Variants in CLYBL observed in about 807,000 individuals in gnomAD.
CLYBL encodes the protein citramalyl-CoA lyase, mitochondrial.
In CLYBL, 31 loss-of-function variants were observed where a neutral mutation model predicts 38.9. That is an observed-to-expected ratio of 0.80 (90% confidence interval 0.60 to 1.08). The LOEUF (loss-of-function observed/expected upper bound fraction) is 1.08. CLYBL is among the 50% of genes least tolerant of loss of function. CLYBL has a pLI of 0.00. For missense variants in CLYBL, 434 were observed against 411.6 expected, an observed-to-expected ratio of 1.05 and a Z score of -0.47; for synonymous variants, 171 against 158.6, an observed-to-expected ratio of 1.08 and a Z score of -0.59.
Position 99,866,381 on chromosome 13 carries a change from G to A in CLYBL, c.776G>A (p.Arg259Gln), listed in dbSNP as rs540417575. 9.9e-6 allele frequency: 16 copies of A among 1,613,784 alleles called. No individual in the cohort carries two copies. Among genetic ancestry groups the A allele is most frequent in the African/African-American group, 5.3e-5 (4 of 75,006 alleles). ...GGAGCTGGGCTGCTTAGACAGTCAC[G>A]AGAAGGAGCCGCCATGGGCTTCACT... ...RDGAGLLRQS[R>Q]EGAAMGFTGK... is the part of the protein sequence containing the mutation. Residue 259 changes from arginine (R) to glutamine (Q), a missense_variant, in exon 6 of 9, where the codon CGA becomes CAA. Arg to Gln is a conservative substitution (Grantham distance 43). Coordinates refer to ENST00000339105, the MANE Select transcript of CLYBL (RefSeq NM_206808.5).
At position 99,838,073 on chromosome 13, in the gene CLYBL, C is replaced by G. The variant is rs182442922; in HGVS notation, c.250-20788C>G. On this transcript the variant is annotated intron_variant, in intron 2 of 8. Transcript: ENST00000339105. ...ACAGTTTAAAAATGATAGTTTTTATCTATTCTTCAAATATGCATAAGTAAT... is the reference window on the plus strand; with the variant it reads ...ACAGTTTAAAAATGATAGTTTTTATGTATTCTTCAAATATGCATAAGTAAT... 3.3e-5 allele frequency among the ~76,000 whole-genome samples: 5 copies of G among 152,152 alleles called. No homozygotes were observed. The East Asian group carries it at 9.6e-4, about 29-fold the overall frequency.
chr13:99,787,686 C>A (rs1426010477), intron 2 of CLYBL, among the ~76,000 whole-genome samples: 1 of 152,270 alleles, frequency 6.6e-6, no homozygotes, highest in East Asian at 1.9e-4. Context: ...GATGCGGATT[C>A]TTTTTTGGTT....
intron 2 of CLYBL, among the ~76,000 whole-genome samples, chr13:99,807,919 TGA>T (rs778151227): frequency 2.0e-5 from 3 of 152,146 alleles, no homozygotes; most frequent in Non-Finnish European, 4.4e-5. Context: ...CAGCAACTTG[TGA>T]GAGAAGGTTC....
chr13:99,650,385 G>A (rs535177970), intron 1 of CLYBL, among the ~76,000 whole-genome samples: 39 of 152,168 alleles, frequency 2.6e-4, no homozygotes, highest in Non-Finnish European at 5.3e-4. Context: ...TTGTCCCACC[G>A]TACTCCAGCC....
rs528165728 is a variant in CLYBL, at chr13:99,780,868, C to G, written c.249+7858C>G. ...AGCTGGGAATACAGGTGCCTGCCAC[C>G]ACACCTGGCTCATTTTTGTATTATT... On this transcript the variant is annotated intron_variant, in intron 2 of 8. Coordinates refer to ENST00000339105, the MANE Select transcript of CLYBL (RefSeq NM_206808.5). Among the ~76,000 whole-genome samples, 26 of 151,786 alleles carry G rather than the reference C, an allele frequency of 1.7e-4. 1 individual carries two copies. In the South Asian group the frequency reaches 5.4e-3, roughly 32 times the overall value.
intron 1 of CLYBL, among the ~76,000 whole-genome samples, chr13:99,717,591 C>G (rs1285880370): frequency 6.6e-6 from 1 of 152,020 alleles, no homozygotes; most frequent in Non-Finnish European, 1.5e-5. Flanking sequence ...TCCTGTGTAA[C>G]TGGGACTACA....
chr13:99,711,483 C>T (rs192643105), intron 1 of CLYBL, among the ~76,000 whole-genome samples: 22 of 148,436 alleles, frequency 1.5e-4, no homozygotes, highest in Non-Finnish European at 2.7e-4. Context: ...AATCTCGGCA[C>T]GCAACCTCCA....
chr13:99,731,352 G>T (rs186504606), intron 1 of CLYBL, among the ~76,000 whole-genome samples: 1 of 150,126 alleles, frequency 6.7e-6, no homozygotes, highest in Non-Finnish European at 1.5e-5. Flanking sequence ...AAAAAAAAGC[G>T]GCTGAGCCCA....
chr13:99,719,709 C>G (rs187547834), intron 1 of CLYBL, among the ~76,000 whole-genome samples: 1 of 149,584 alleles, frequency 6.7e-6, no homozygotes, highest in Non-Finnish European at 1.5e-5. Flanking sequence ...GGTTTCACTA[C>G]GTTGGCCAGG....
intron 2 of CLYBL, among the ~76,000 whole-genome samples, chr13:99,829,770 A>G (rs1326069641): frequency 6.6e-6 from 1 of 152,000 alleles, no homozygotes; most frequent in Non-Finnish European, 1.5e-5. Flanking sequence ...GTCCCAATCA[A>G]CTCCGAAATG....
chr13:99,746,544 A>C (rs1037387790), intron 1 of CLYBL, among the ~76,000 whole-genome samples: 1 of 152,136 alleles, frequency 6.6e-6, no homozygotes, highest in Non-Finnish European at 1.5e-5. Flanking sequence ...CTCCTTAGGA[A>C]GATCAACAGT....
At chr13:99,825,103 T>C (rs2050669784) in intron 2 of CLYBL, among the ~76,000 whole-genome samples, 1 of 152,214 alleles carries the variant, frequency 6.6e-6, no homozygotes, top group African/African-American at 2.4e-5. Context: ...TCATGGTTTC[T>C]TGGACAGGCA....
chr13:99,643,435 T>C (rs1158536776), intron 1 of CLYBL, among the ~76,000 whole-genome samples: 1 of 152,172 alleles, frequency 6.6e-6, no homozygotes. Flanking sequence ...TTTCAACCAG[T>C]TAGAAAAAGA....
intron 2 of CLYBL, among the ~76,000 whole-genome samples, chr13:99,855,924 G>A (rs1034064663): frequency 3.9e-5 from 6 of 152,288 alleles, no homozygotes; most frequent in South Asian, 2.1e-4. Flanking sequence ...TAAGGGTGTC[G>A]TATGGCAACT....
In CLYBL at chr13:99,878,186, T is replaced by G. The variant is rs1346946532; in HGVS notation, c.927+7124T>G. On this transcript the variant is annotated intron_variant, in intron 7 of 8. Transcript: ENST00000339105. ...AACAGTATATATGACATACTTCTGCTGCCTTCTAGAAAAATTGAAAGAAGA... is the reference window on the plus strand; with the variant it reads ...AACAGTATATATGACATACTTCTGCGGCCTTCTAGAAAAATTGAAAGAAGA... Among the ~76,000 whole-genome samples, 6 of 152,376 alleles carry G rather than the reference T, an allele frequency of 3.9e-5. No homozygotes were observed. The South Asian group carries it at 1.2e-3, about 32-fold the overall frequency.
chr13:99,792,002 C>G (rs1410067946), intron 2 of CLYBL, among the ~76,000 whole-genome samples: 1 of 152,162 alleles, frequency 6.6e-6, no homozygotes, highest in Non-Finnish European at 1.5e-5. Flanking sequence ...CGCCACTTTT[C>G]CACTTAAGCT....
chr13:99,640,118 G>T (rs755772208), intron 1 of CLYBL, among the ~76,000 whole-genome samples: 17 of 152,064 alleles, frequency 1.1e-4, no homozygotes, highest in Non-Finnish European at 2.5e-4. Flanking sequence ...ACTTGAATTT[G>T]TTCATTTTTT....
intron 1 of CLYBL, among the ~76,000 whole-genome samples, chr13:99,767,822 G>A (rs530482085): frequency 1.4e-4 from 21 of 152,124 alleles, no homozygotes; most frequent in Non-Finnish European, 2.5e-4. Context: ...TCTCTTTACT[G>A]GTATTTCCAT....
At chr13:99,743,692 C>T (rs906638926) in intron 1 of CLYBL, among the ~76,000 whole-genome samples, 14 of 152,200 alleles carry the variant, frequency 9.2e-5, no homozygotes, top group African/African-American at 3.1e-4. Flanking sequence ...GGTGTTTGCT[C>T]AAGACCTGGT....
Sources: allele counts gnomAD v4.1 joint callset (sites outside exome capture counted in the v4.1 genomes callset), GRCh38; gene constraint gnomAD v4.1.1; transcripts MANE v1.5; gene names NCBI Gene and HGNC (gene_info 2026-07-23, HGNC 2026-07-21).